Variants in RBPJ observed in about 807,000 individuals in gnomAD.
The protein encoded by RBPJ is recombining binding protein suppressor of hairless.
A neutral mutation model predicts 67.8 loss-of-function variants in RBPJ; 9 were observed. That is an observed-to-expected ratio of 0.13 (90% CI 0.08 to 0.23). The LOEUF (loss-of-function observed/expected upper bound fraction) is 0.23, where lower values mean the gene tolerates loss of function less well. Ranked by LOEUF, RBPJ falls within the 10% of genes least tolerant of loss-of-function variation. The pLI is 1.00. For synonymous variants in RBPJ, 198 were observed against 203.3 expected, an observed-to-expected ratio of 0.97 and a Z score of 0.22; for missense variants, 305 against 595.6, an observed-to-expected ratio of 0.51 and a Z score of 5.08.
At chr4:26,152,916 G>A in the RBPJ span, among the ~76,000 whole-genome samples, 1 of 152,254 alleles carries the variant, frequency 6.6e-6, no homozygotes, top group Non-Finnish European at 1.5e-5. Context: ...GGCAAAAGAG[G>A]TAGAAGTGCA....
chr4:26,172,608 A>G (rs1406006213), intron 1 of RBPJ, among the ~76,000 whole-genome samples: 1 of 152,238 alleles, frequency 6.6e-6, no homozygotes, highest in Non-Finnish European at 1.5e-5. Flanking sequence ...ACTTACCACT[A>G]GAAATCTCTT....
chr4:26,114,804 CAT>C, the RBPJ span, among the ~76,000 whole-genome samples: 1 of 152,076 alleles, frequency 6.6e-6, no homozygotes, highest in Non-Finnish European at 1.5e-5. Flanking sequence ...AGCGTCACCT[CAT>C]ATTGACTTAA....
At chr4:26,140,724 C>T in the RBPJ span, among the ~76,000 whole-genome samples, 1 of 149,060 alleles carries the variant, frequency 6.7e-6, no homozygotes, top group Non-Finnish European at 1.5e-5. Context: ...CCAGCACCGC[C>T]CTAGTGTTTT....
At position 26,433,403 on chromosome 4, in the gene RBPJ, CATATT is replaced by C. The variant is rs1294455733; in HGVS notation, c.*2398_*2402del. ...TAGGTTTGGTATTTAGTTAAGGAAT[CATATT>C]AAATTAACCAATAACAAAAGAGATA... On this transcript the variant is annotated 3_prime_UTR_variant, in exon 11 of 11. Transcript: ENST00000355476. 2.6e-5 allele frequency: 4 copies of C among 152,170 alleles called. No individual in the cohort carries two copies. Among genetic ancestry groups the C allele is most frequent in the African/African-American group, 9.7e-5 (4 of 41,440 alleles). 9.4% of individuals were successfully genotyped at this position (152,170 alleles called of 1,614,324 possible).
At chr4:26,415,386 G>A in intron 3 of RBPJ, 89 bp from the exon 4 acceptor site, 2 of 1,133,924 alleles carry the variant, frequency 1.8e-6, no homozygotes, top group Non-Finnish European at 2.5e-6. Context: ...ATATGATTTT[G>A]TATTCATAAT....
chr4:26,410,126 C>G, intron 3 of RBPJ: 2 of 439,246 alleles, frequency 4.6e-6, no homozygotes, highest in South Asian at 3.3e-5. Context: ...GTGTTCTGGG[C>G]TCTTACTTGG....
At chr4:26,109,450 CTCTCTCTCTCTATATATATATATA>C in the RBPJ span, among the ~76,000 whole-genome samples, 37 of 24,954 alleles carry the variant, frequency 1.5e-3, 1 homozygote, top group Admixed American at 1.8e-3. Flanking sequence ...CTCTCTCTCT[CTCTCTCTCTCTATATATATATATA>C]TATATATATA....
intron 8 of RBPJ, among the ~76,000 whole-genome samples, chr4:26,429,245 A>G (rs935701777): frequency 1.2e-4 from 19 of 152,256 alleles, no homozygotes; most frequent in Admixed American, 8.5e-4. Flanking sequence ...CATCAGATTT[A>G]TGTCGTGGTT....
In RBPJ at chr4:26,294,671, G is replaced by A. The variant is rs562362756; in HGVS notation, c.-166-67775G>A. Among the ~76,000 whole-genome samples, 4 of 152,110 alleles carry A rather than the reference G, an allele frequency of 2.6e-5. No individual in the cohort carries two copies. In the South Asian group the frequency reaches 6.2e-4, roughly 24 times the overall value. On this transcript the variant is annotated intron_variant, in intron 1 of 4. Coordinates refer to the RBPJ transcript ENST00000512351. ...GAGGTGGGTGAATCACTTGAGGCCAGGAGTTCAAAACCAGCCTGGCCAACA... is the reference window on the plus strand; with the variant it reads ...GAGGTGGGTGAATCACTTGAGGCCAAGAGTTCAAAACCAGCCTGGCCAACA...
chr4:26,169,159 G>A (rs1019496834), intron 1 of RBPJ, among the ~76,000 whole-genome samples: 4 of 152,086 alleles, frequency 2.6e-5, no homozygotes, highest in Non-Finnish European at 5.9e-5. Context: ...GCTTTTTAGA[G>A]TTTCCAGTTT....
At chr4:26,394,026 ATTTTT>A (rs5856942) in intron 2 of RBPJ, among the ~76,000 whole-genome samples, 1 of 131,842 alleles carries the variant, frequency 7.6e-6, no homozygotes, top group African/African-American at 2.8e-5. Context: ...CTATGGATTC[ATTTTT>A]TTTTTTTTTT....
At chr4:26,308,432 C>A (rs966125217) in intron 1 of RBPJ, among the ~76,000 whole-genome samples, 3 of 152,110 alleles carry the variant, frequency 2.0e-5, no homozygotes, top group African/African-American at 7.2e-5. Flanking sequence ...AGACTTTTTT[C>A]TTGCAGTAAT....
chr4:26,181,767 G>A (rs182403628), intron 1 of RBPJ, among the ~76,000 whole-genome samples: 35 of 152,240 alleles, frequency 2.3e-4, no homozygotes, highest in African/African-American at 8.2e-4. Context: ...CATAGAAAAA[G>A]TACATTAAAA....
At chr4:26,296,706 C>T (rs1414983162) in intron 1 of RBPJ, among the ~76,000 whole-genome samples, 1 of 152,086 alleles carries the variant, frequency 6.6e-6, no homozygotes, top group African/African-American at 2.4e-5. Context: ...CATTGGTTAC[C>T]TACCACACCC....
At chr4:26,147,336 T>A in the RBPJ span, among the ~76,000 whole-genome samples, 1 of 152,228 alleles carries the variant, frequency 6.6e-6, no homozygotes, top group African/African-American at 2.4e-5. Flanking sequence ...CTGCTACTGA[T>A]GCCCTGTTGC....
At chr4:26,327,214 A>G (rs527353869) in intron 1 of RBPJ, among the ~76,000 whole-genome samples, 33 of 152,264 alleles carry the variant, frequency 2.2e-4, no homozygotes, top group Non-Finnish European at 3.5e-4. Flanking sequence ...AAAAAGGGTA[A>G]TGTATTTCCG....
At chr4:26,277,508 A>C (rs1721123183) in intron 1 of RBPJ, among the ~76,000 whole-genome samples, 3 of 152,354 alleles carry the variant, frequency 2.0e-5, no homozygotes, top group South Asian at 4.1e-4. Flanking sequence ...TCTTCAATGC[A>C]TGGCCTTGGT....
the RBPJ span, among the ~76,000 whole-genome samples, chr4:26,109,668 C>CTCTA: frequency 3.0e-5 from 1 of 33,294 alleles, no homozygotes; most frequent in Non-Finnish European, 5.4e-5. Context: ...CTCTCTCTCT[C>CTCTA]TATATATATA....
At chr4:26,382,581 T>C (rs1730434989) in intron 1 of RBPJ, among the ~76,000 whole-genome samples, 1 of 152,222 alleles carries the variant, frequency 6.6e-6, no homozygotes. Context: ...TCAATCCTGT[T>C]GCCCAGGCTG....
Sources: allele counts gnomAD v4.1 joint callset (sites outside exome capture counted in the v4.1 genomes callset), GRCh38; gene constraint gnomAD v4.1.1; transcripts MANE v1.5; gene names NCBI Gene and HGNC (gene_info 2026-07-23, HGNC 2026-07-21).